Variants in RIPOR3 observed in about 807,000 individuals in gnomAD.
The protein encoded by RIPOR3 is RIPOR family member 3, also known as family with sequence similarity 65 member C.
RIPOR3 carries 95 observed loss-of-function variants against 114.3 expected under a neutral mutation model. The observed-to-expected ratio is 0.83, with a 90% CI of 0.70 to 0.99. RIPOR3 has a LOEUF of 0.99. Among genes scored for constraint, RIPOR3 ranks in the 50% least tolerant of loss-of-function variants. The pLI, the probability that RIPOR3 is intolerant of heterozygous loss-of-function variation, is 0.00. For missense variants in RIPOR3, 1,252 were observed against 1,266.9 expected (o/e 0.99, Z 0.18); for synonymous variants, 575 against 543.8 (o/e 1.06, Z -0.80).
intron 19 of RIPOR3, among the ~76,000 whole-genome samples, chr20:50,591,722 G>C (rs576138750): frequency 6.6e-6 from 1 of 152,200 alleles, no homozygotes; most frequent in Non-Finnish European, 1.5e-5. Flanking sequence ...CACTCTCTTG[G>C]TTTTCAAATG....
intron 1 of RIPOR3, among the ~76,000 whole-genome samples, chr20:50,665,654 T>G (rs2086166017): frequency 6.6e-6 from 1 of 151,982 alleles, no homozygotes; most frequent in Non-Finnish European, 1.5e-5. Context: ...ACTCCTGACC[T>G]TGTGATCCAC....
chr20:50,682,717 T>C (rs1168032546), intron 1 of RIPOR3, among the ~76,000 whole-genome samples: 1 of 138,634 alleles, frequency 7.2e-6, no homozygotes, highest in Non-Finnish European at 1.5e-5. Context: ...TTGGCATACA[T>C]GTAAGTGATA....
rs564845475 is a variant in RIPOR3, at chr20:50,616,381, C to T, written c.270-301G>A. Among the ~76,000 whole-genome samples, 27 of 152,286 alleles carry T rather than the reference C, an allele frequency of 1.8e-4. No individual in the cohort carries two copies. The South Asian group carries it at 4.8e-3, about 27-fold the overall frequency. On this transcript the variant is annotated intron_variant, in intron 3 of 21. Coordinates refer to ENST00000327979, the MANE Select transcript of RIPOR3 (RefSeq NM_001290268.2). ...GTTTGAGACAAGGTCCCCCCTCTCTCGCCCAGGCTGGAGTGCAGTGGTGTG... is the reference window on the plus strand; with the variant it reads ...GTTTGAGACAAGGTCCCCCCTCTCTTGCCCAGGCTGGAGTGCAGTGGTGTG...
chr20:50,623,145 C>G (rs1405643763), intron 2 of RIPOR3, among the ~76,000 whole-genome samples: 1 of 151,648 alleles, frequency 6.6e-6, no homozygotes, highest in Non-Finnish European at 1.5e-5. Context: ...CCTGTAATCC[C>G]AGCTACTCGG....
chr20:50,599,604 A>C (rs1476711065), intron 13 of RIPOR3, among the ~76,000 whole-genome samples: 1 of 152,126 alleles, frequency 6.6e-6, no homozygotes, highest in African/African-American at 2.4e-5. Context: ...CAAAAAGCAC[A>C]AAAACTTGAA....
chr20:50,648,844 G>A (rs2085505423), intron 1 of RIPOR3, among the ~76,000 whole-genome samples: 1 of 152,138 alleles, frequency 6.6e-6, no homozygotes, highest in Non-Finnish European at 1.5e-5. Context: ...CACAAGCAAT[G>A]GGGAGTGGTT....
chr20:50,592,735 A>G (rs1162794416), intron 18 of RIPOR3, among the ~76,000 whole-genome samples, 189 bp from the exon 19 acceptor site: 1 of 152,152 alleles, frequency 6.6e-6, no homozygotes, highest in Non-Finnish European at 1.5e-5. Context: ...CCTTTTAACA[A>G]GGGGTCAAAT....
intron 13 of RIPOR3, among the ~76,000 whole-genome samples, chr20:50,598,560 A>G (rs1024885816): frequency 2.6e-5 from 4 of 152,172 alleles, no homozygotes; most frequent in African/African-American, 4.8e-5. Context: ...CAGAGATCAC[A>G]TTTTCCAATA....
chr20:50,642,744 T>TA (rs1413231924), intron 1 of RIPOR3, among the ~76,000 whole-genome samples: 10 of 151,018 alleles, frequency 6.6e-5, no homozygotes, highest in African/African-American at 2.5e-4. Context: ...CCACAGTGAT[T>TA]TAAAAAAAAA....
intron 12 of RIPOR3, among the ~76,000 whole-genome samples, chr20:50,603,690 C>T (rs1322596021): frequency 6.6e-6 from 1 of 152,228 alleles, no homozygotes; most frequent in African/African-American, 2.4e-5. Context: ...GGTGGCACTG[C>T]CCTAACCTCG....
chr20:50,594,944 TCACCAGCCTCTC>T (rs1417923992), intron 16 of RIPOR3: 2 of 537,216 alleles, frequency 3.7e-6, no homozygotes, highest in Non-Finnish European at 6.6e-6. Context: ...GGGGCTGCTG[TCACCAGCCTCTC>T]CTTACAGACA....
intron 1 of RIPOR3, among the ~76,000 whole-genome samples, chr20:50,678,047 G>A (rs2086733209): frequency 6.6e-6 from 1 of 152,172 alleles, no homozygotes. Context: ...GTGCTGGGAA[G>A]TCAGGACCAA....
At position 50,596,218 on chromosome 20, in the gene RIPOR3, GGATGACGCTTTCAGT is replaced by G; in HGVS notation, c.1821_1835del (p.Leu608_Ser612del). On this transcript the variant is annotated inframe_deletion, in exon 15 of 22. Coordinates refer to ENST00000327979, the MANE Select transcript of RIPOR3 (RefSeq NM_001290268.2). ...CTGGGGCACCGGCTGTGAGTTCCCTGGATGACGCTTTCAGTGATGACGGTGGGGGCAGGGGCCGGT... is the reference window on the plus strand; with the variant it reads ...CTGGGGCACCGGCTGTGAGTTCCCTGGATGACGGTGGGGGCAGGGGCCGGT... The G allele has an allele frequency of 6.2e-7, 1 of 1,614,190 alleles. No homozygotes were observed. Among genetic ancestry groups the G allele is most frequent in the Non-Finnish European group, 8.5e-7 (1 of 1,180,052 alleles).
rs764265180 is a variant in RIPOR3, at chr20:50,628,556, T to C, written c.122+2182A>G. On this transcript the variant is annotated intron_variant, in intron 2 of 21. Coordinates refer to ENST00000327979, the MANE Select transcript of RIPOR3 (RefSeq NM_001290268.2). Reference sequence around the variant, plus strand: ...TTCTTCTGTCCCTTCCTGCCTCCACTCCCCATGCCCCTGTCTCGTCAGGCT... The same window carrying C: ...TTCTTCTGTCCCTTCCTGCCTCCACCCCCCATGCCCCTGTCTCGTCAGGCT... Among the ~76,000 whole-genome samples, 134 of 151,764 alleles carry C rather than the reference T, an allele frequency of 8.8e-4. 1 individual carries two copies. The highest frequency in any genetic ancestry group is 8.5e-4 in the Admixed American group (13 of 15,248).
At chr20:50,600,778 G>C (rs895030287) in intron 13 of RIPOR3, among the ~76,000 whole-genome samples, 1 of 152,096 alleles carries the variant, frequency 6.6e-6, no homozygotes, top group Non-Finnish European at 1.5e-5. Context: ...TGAAAAACAT[G>C]AAGTACCAAA....
chr20:50,638,085 G>A (rs1294053797), intron 1 of RIPOR3, among the ~76,000 whole-genome samples: 3 of 152,130 alleles, frequency 2.0e-5, no homozygotes, highest in Admixed American at 1.3e-4. Flanking sequence ...TTTAAATAGA[G>A]CAGGTTGGAA....
chr20:50,659,131 A>C (rs778268283), intron 1 of RIPOR3, among the ~76,000 whole-genome samples: 22 of 152,208 alleles, frequency 1.4e-4, no homozygotes, highest in Non-Finnish European at 2.4e-4. Context: ...TCCTGGTATG[A>C]AAGAAAAAAA....
chr20:50,666,059 TC>T (rs994199223), intron 1 of RIPOR3, among the ~76,000 whole-genome samples: 2 of 151,148 alleles, frequency 1.3e-5, no homozygotes, highest in Non-Finnish European at 2.9e-5. Flanking sequence ...GTTTTTCCAT[TC>T]AGGCCCCAGA....
At chr20:50,665,497 C>T (rs1442731946) in intron 1 of RIPOR3, among the ~76,000 whole-genome samples, 6 of 145,030 alleles carry the variant, frequency 4.1e-5, no homozygotes, top group Non-Finnish European at 7.5e-5. Context: ...CTCGGCTCTC[C>T]GCAACCTCCG....
Sources: gnomAD v4.1 joint callset for allele counts (sites outside exome capture counted in the v4.1 genomes callset) on GRCh38, gnomAD v4.1.1 for gene constraint, MANE v1.5 for transcripts, NCBI Gene and HGNC (gene_info 2026-07-23, HGNC 2026-07-21) for gene names.